The following CNTNAP2 variants were observed in gnomAD, a reference collection of about 807,000 sequenced individuals.
The protein encoded by CNTNAP2 is contactin associated protein 2.
Under a neutral mutation model 155.2 loss-of-function variants are expected in CNTNAP2, and 98 were observed. The ratio of observed to expected loss-of-function variants is 0.63; its 90% CI spans 0.54 to 0.75. The LOEUF (loss-of-function observed/expected upper bound fraction) is 0.75. Among genes scored for constraint, CNTNAP2 ranks in the 30% least tolerant of loss-of-function variants. The pLI, the probability that CNTNAP2 is intolerant of heterozygous loss-of-function variation, is 0.00. For synonymous variants in CNTNAP2, 651 were observed against 631.2 expected, an observed-to-expected ratio of 1.03 and a Z score of -0.47; for missense variants, 1,727 against 1,688.1, an observed-to-expected ratio of 1.02 and a Z score of -0.40.
chr7:147,950,920 T>C (rs952013074), intron 14 of CNTNAP2, among the ~76,000 whole-genome samples: 1 of 152,242 alleles, frequency 6.6e-6, no homozygotes, highest in Non-Finnish European at 1.5e-5. Flanking sequence ...TCTTCACTTT[T>C]CTACAATTAA....
intron 1 of CNTNAP2, among the ~76,000 whole-genome samples, chr7:146,491,186 T>A (rs1006856330): frequency 2.0e-5 from 3 of 152,130 alleles, no homozygotes. Context: ...TACAACTAAA[T>A]CATTCTAGCT....
intron 15 of CNTNAP2, among the ~76,000 whole-genome samples, chr7:148,033,883 C>G (rs1291299629): frequency 6.6e-6 from 1 of 152,134 alleles, no homozygotes; most frequent in Non-Finnish European, 1.5e-5. Context: ...CTTCTTACCC[C>G]CTCCTATATT....
chr7:146,419,674 A>G (rs1208796897), intron 1 of CNTNAP2, among the ~76,000 whole-genome samples: 2 of 152,150 alleles, frequency 1.3e-5, no homozygotes, highest in African/African-American at 2.4e-5. Flanking sequence ...GTGCTTAACA[A>G]CATTCTTCAT....
intron 12 of CNTNAP2, among the ~76,000 whole-genome samples, chr7:147,596,534 CCTT>C (rs1800829994): frequency 6.6e-6 from 1 of 152,150 alleles, no homozygotes; most frequent in South Asian, 2.1e-4. Flanking sequence ...TATCCACACT[CCTT>C]CTCGGGGTCT....
intron 12 of CNTNAP2, among the ~76,000 whole-genome samples, chr7:147,608,686 G>C (rs1801121211): frequency 6.6e-6 from 1 of 152,174 alleles, no homozygotes. Context: ...AATGAAGAAA[G>C]GGTTAAGGAG....
intron 13 of CNTNAP2, among the ~76,000 whole-genome samples, chr7:147,803,879 A>T (rs1798046956): frequency 6.6e-6 from 1 of 152,224 alleles, no homozygotes; most frequent in Non-Finnish European, 1.5e-5. Flanking sequence ...TGGGGAAACG[A>T]ATCCAATTTA....
chr7:146,978,003 G>C (rs570857522), intron 3 of CNTNAP2, among the ~76,000 whole-genome samples: 1 of 152,120 alleles, frequency 6.6e-6, no homozygotes, highest in African/African-American at 2.4e-5. Context: ...ATATAGAAAA[G>C]GTCTTAAATG....
chr7:147,178,440 G>C (rs909204247), intron 8 of CNTNAP2, among the ~76,000 whole-genome samples: 17 of 152,148 alleles, frequency 1.1e-4, no homozygotes, highest in Non-Finnish European at 2.4e-4. Context: ...GCCAACACTG[G>C]GTTTTAGTCC....
intron 1 of CNTNAP2, among the ~76,000 whole-genome samples, chr7:146,162,923 C>T (rs1036700623): frequency 5.9e-5 from 9 of 152,042 alleles, no homozygotes; most frequent in Admixed American, 1.3e-4. Context: ...AACCAAACAC[C>T]GCATGTTCTC....
chr7:147,782,410 G>T (rs1391462988), intron 13 of CNTNAP2, among the ~76,000 whole-genome samples: 1 of 152,156 alleles, frequency 6.6e-6, no homozygotes, highest in African/African-American at 2.4e-5. Context: ...ACCTTAAAAT[G>T]GGTAATTTAT....
intron 1 of CNTNAP2, among the ~76,000 whole-genome samples, chr7:146,593,520 C>T (rs1381751219): frequency 6.6e-6 from 1 of 152,082 alleles, no homozygotes; most frequent in Admixed American, 6.6e-5. Context: ...TCCTCAGCGT[C>T]ACTCCCTCCA....
At chr7:147,436,752 C>T (rs529850995) in intron 10 of CNTNAP2, among the ~76,000 whole-genome samples, 37 of 152,114 alleles carry the variant, frequency 2.4e-4, no homozygotes, top group Non-Finnish European at 4.1e-4. Flanking sequence ...AAATTTTCTC[C>T]TATCTTCATG....
At chr7:148,034,116 C>A (rs371187051) in intron 15 of CNTNAP2, among the ~76,000 whole-genome samples, 1 of 152,150 alleles carries the variant, frequency 6.6e-6, no homozygotes, top group East Asian at 1.9e-4. Context: ...AAAGTAGATA[C>A]AAAATGCTTT....
intron 13 of CNTNAP2, among the ~76,000 whole-genome samples, chr7:147,833,869 CTGAG>C (rs2116640082): frequency 6.6e-6 from 1 of 152,248 alleles, no homozygotes; most frequent in South Asian, 2.1e-4. Flanking sequence ...AGGAATGGGG[CTGAG>C]TGTCACAGAC....
chr7:146,161,854 A>G (rs1243266779), intron 1 of CNTNAP2, among the ~76,000 whole-genome samples: 5 of 152,156 alleles, frequency 3.3e-5, no homozygotes, highest in Non-Finnish European at 7.3e-5. Context: ...CAGAAATAAT[A>G]CCACACATCT....
At chr7:146,886,439 T>G (rs879847805) in intron 3 of CNTNAP2, among the ~76,000 whole-genome samples, 6 of 152,078 alleles carry the variant, frequency 3.9e-5, no homozygotes, top group Non-Finnish European at 5.9e-5. Context: ...GGTAGATATC[T>G]CCAATGATTC....
intron 21 of CNTNAP2, among the ~76,000 whole-genome samples, chr7:148,293,463 A>C (rs1797228856): frequency 6.6e-6 from 1 of 152,214 alleles, no homozygotes; most frequent in Non-Finnish European, 1.5e-5. Context: ...CAAATTGAGG[A>C]CAAACAAGGA....
At chr7:146,948,094 A>G (rs1304191059) in intron 3 of CNTNAP2, among the ~76,000 whole-genome samples, 2 of 152,202 alleles carry the variant, frequency 1.3e-5, no homozygotes, top group African/African-American at 4.8e-5. Context: ...AGGTATTCAT[A>G]TAAGTTACTA....
At chr7:148,354,992 A>G (rs1364948467) in intron 21 of CNTNAP2, among the ~76,000 whole-genome samples, 3 of 151,988 alleles carry the variant, frequency 2.0e-5, no homozygotes, top group Admixed American at 1.3e-4. Flanking sequence ...TGATTAAACA[A>G]TGGAAAGCTT....
Sources: gnomAD v4.1 joint callset for allele counts (sites outside exome capture counted in the v4.1 genomes callset) on GRCh38, gnomAD v4.1.1 for gene constraint, MANE v1.5 for transcripts, NCBI Gene and HGNC (gene_info 2026-07-23, HGNC 2026-07-21) for gene names.